The following GRIA4 variants were observed in gnomAD, a reference collection of about 807,000 sequenced individuals.
GRIA4 encodes glutamate ionotropic receptor AMPA type subunit 4.
A neutral mutation model predicts 104.0 loss-of-function variants in GRIA4; 34 were observed. The observed-to-expected ratio is 0.33, with a 90% CI of 0.25 to 0.44. GRIA4 has a LOEUF of 0.44. Among genes scored for constraint, GRIA4 ranks in the 20% least tolerant of loss-of-function variants. GRIA4 has a pLI of 1.00. For missense variants in GRIA4, 750 were observed against 1,096.5 expected, an observed-to-expected ratio of 0.68 and a Z score of 4.46; for synonymous variants, 386 against 381.9, an observed-to-expected ratio of 1.01 and a Z score of -0.13.
Position 105,668,205 on chromosome 11 carries a change from C to A in GRIA4, c.247+55771C>A, listed in dbSNP as rs1591531972. On this transcript the variant is annotated intron_variant, in intron 3 of 16. Transcript: ENST00000282499. ...TAATACTCCATTGCATATACACACACACACACACACACATATAATATATAT... is the reference window on the plus strand; with the variant it reads ...TAATACTCCATTGCATATACACACAAACACACACACACATATAATATATAT... 2.1e-4 allele frequency among the ~76,000 whole-genome samples: 13 copies of A among 61,546 alleles called. No homozygotes were observed. In the South Asian group the frequency reaches 9.2e-3, roughly 44 times the overall value. 40.4% of individuals were successfully genotyped at this position (61,546 alleles called of 152,430 possible).
intron 4 of GRIA4, among the ~76,000 whole-genome samples, chr11:105,844,079 A>G (rs1315655835): frequency 1.3e-5 from 2 of 152,200 alleles, no homozygotes; most frequent in Non-Finnish European, 2.9e-5. Flanking sequence ...TAATCTTAAC[A>G]GTGCCCAATG....
intron 4 of GRIA4, among the ~76,000 whole-genome samples, chr11:105,837,571 C>T (rs1474466405): frequency 6.6e-6 from 1 of 151,954 alleles, no homozygotes; most frequent in African/African-American, 2.4e-5. Flanking sequence ...AGGCCAACTG[C>T]TGAAGGTGAG....
intron 3 of GRIA4, among the ~76,000 whole-genome samples, chr11:105,742,889 G>A (rs1438294769): frequency 6.6e-6 from 1 of 151,898 alleles, no homozygotes; most frequent in Non-Finnish European, 1.5e-5. Context: ...GGCGCCTGCT[G>A]CCATATCTGG....
chr11:105,941,149 A>C (rs1259097222), intron 14 of GRIA4, among the ~76,000 whole-genome samples: 1 of 152,196 alleles, frequency 6.6e-6, no homozygotes, highest in African/African-American at 2.4e-5. Context: ...GTTGGTTATG[A>C]GAAGATTTTG....
At chr11:105,773,040 A>C (rs1362098359) in intron 4 of GRIA4, among the ~76,000 whole-genome samples, 1 of 152,200 alleles carries the variant, frequency 6.6e-6, no homozygotes, top group Non-Finnish European at 1.5e-5. Context: ...ATACATGTTT[A>C]CAAAGCCACA....
At chr11:105,818,537 A>G (rs1331438726) in intron 4 of GRIA4, among the ~76,000 whole-genome samples, 1 of 152,180 alleles carries the variant, frequency 6.6e-6, no homozygotes, top group Non-Finnish European at 1.5e-5. Context: ...ACATATAATA[A>G]TAGCAACAGA....
chr11:105,880,841 A>C (rs987034300), intron 5 of GRIA4, among the ~76,000 whole-genome samples: 1 of 152,220 alleles, frequency 6.6e-6, no homozygotes, highest in African/African-American at 2.4e-5. Context: ...CCTAGAGAGT[A>C]AGTATTTAAA....
intron 4 of GRIA4, among the ~76,000 whole-genome samples, chr11:105,822,263 AC>A (rs1477403230): frequency 2.6e-5 from 4 of 152,056 alleles, no homozygotes; most frequent in Non-Finnish European, 5.9e-5. Context: ...CCCAATGCCT[AC>A]CCCAGAGGAA....
At chr11:105,758,104 C>A in intron 4 of GRIA4, among the ~76,000 whole-genome samples, 1 of 152,094 alleles carries the variant, frequency 6.6e-6, no homozygotes, top group Non-Finnish European at 1.5e-5. Context: ...ACTAGCTGAG[C>A]ATGGTGGTGT....
intron 5 of GRIA4, among the ~76,000 whole-genome samples, chr11:105,867,312 T>G (rs901922429): frequency 3.3e-5 from 5 of 152,172 alleles, no homozygotes; most frequent in African/African-American, 1.2e-4. Context: ...AATGTGGACA[T>G]GATCCCAGTT....
intron 3 of GRIA4, among the ~76,000 whole-genome samples, chr11:105,627,422 G>A (rs1228884469): frequency 6.6e-6 from 1 of 152,114 alleles, no homozygotes; most frequent in African/African-American, 2.4e-5. Context: ...TTCCACAGAA[G>A]ACAGCAAGAA....
intron 3 of GRIA4, among the ~76,000 whole-genome samples, chr11:105,632,472 G>A (rs939201139): frequency 6.6e-6 from 1 of 152,114 alleles, no homozygotes; most frequent in Non-Finnish European, 1.5e-5. Context: ...AGCCTCTGCA[G>A]CAAGGCCTGG....
chr11:105,858,249 T>C (rs767773839), intron 4 of GRIA4, among the ~76,000 whole-genome samples: 2 of 152,194 alleles, frequency 1.3e-5, no homozygotes, highest in African/African-American at 4.8e-5. Flanking sequence ...GCTGTGTATT[T>C]TGCATAATGG....
At chr11:105,762,504 A>T (rs1011991821) in intron 4 of GRIA4, among the ~76,000 whole-genome samples, 1 of 152,186 alleles carries the variant, frequency 6.6e-6, no homozygotes, top group East Asian at 1.9e-4. Flanking sequence ...TCTGTTTTGG[A>T]AATATTTACT....
At chr11:105,803,297 T>C (rs1942799642) in intron 4 of GRIA4, among the ~76,000 whole-genome samples, 1 of 151,936 alleles carries the variant, frequency 6.6e-6, no homozygotes, top group African/African-American at 2.4e-5. Context: ...AGTTCCATGT[T>C]AGAGAGAAGA....
chr11:105,792,494 G>A (rs1591265016), intron 4 of GRIA4, among the ~76,000 whole-genome samples: 1 of 151,960 alleles, frequency 6.6e-6, no homozygotes, highest in East Asian at 1.9e-4. Context: ...AATAAATTAG[G>A]TACTTTTTCA....
chr11:105,953,814 TA>T lies in GRIA4; in HGVS notation c.2295-18090del, dbSNP rs373814249. Among the ~76,000 whole-genome samples the T allele has an allele frequency of 1.2e-3, 171 of 146,308 alleles. 1 individual carries two copies. Among genetic ancestry groups the T allele is most frequent in the African/African-American group, 3.4e-3 (136 of 40,002 alleles). ...GTATTTTTTAACTCCTACAAACAAA[TA>T]AAAAAAAAAGACTTTTTCTTAGGGT... On this transcript the variant is annotated intron_variant, in intron 14 of 16. Transcript: ENST00000282499.
At chr11:105,758,451 T>C (rs893787972) in intron 4 of GRIA4, among the ~76,000 whole-genome samples, 1 of 152,150 alleles carries the variant, frequency 6.6e-6, no homozygotes, top group Admixed American at 6.6e-5. Context: ...TTGTTTTCAG[T>C]GGCCCACAAC....
At chr11:105,765,997 C>T (rs1468118051) in intron 4 of GRIA4, among the ~76,000 whole-genome samples, 2 of 152,094 alleles carry the variant, frequency 1.3e-5, no homozygotes, top group East Asian at 1.9e-4. Context: ...ATAAAAGCAA[C>T]TCAATAAATA....
Sources: gnomAD v4.1 joint callset for allele counts (sites outside exome capture counted in the v4.1 genomes callset) on GRCh38, gnomAD v4.1.1 for gene constraint, MANE v1.5 for transcripts, NCBI Gene and HGNC (gene_info 2026-07-23, HGNC 2026-07-21) for gene names.